Variants in DLG1 observed in about 807,000 individuals in gnomAD.
The protein encoded by DLG1 is discs large MAGUK scaffold protein 1.
Under a neutral mutation model 123.4 loss-of-function variants are expected in DLG1, and 42 were observed. That is an observed-to-expected ratio of 0.34 (90% confidence interval 0.27 to 0.44). The LOEUF is 0.44. DLG1 is among the 20% of genes least tolerant of loss of function. The pLI is 1.00. For synonymous variants in DLG1, 317 were observed against 356.2 expected (o/e 0.89, Z 1.24); for missense variants, 942 against 1,082.6 (o/e 0.87, Z 1.82).
intron 9 of DLG1, among the ~76,000 whole-genome samples, chr3:197,137,729 C>T (rs112582618): frequency 5.9e-5 from 9 of 152,014 alleles, no homozygotes; most frequent in Non-Finnish European, 1.2e-4. Context: ...CAGCACTCTG[C>T]GGGGCTGAGG....
In DLG1 at chr3:197,112,894, C is replaced by T. The variant is rs191506217; in HGVS notation, c.1443+3033G>A. Among the ~76,000 whole-genome samples the T allele has an allele frequency of 4.1e-4, 63 of 152,198 alleles. 1 individual carries two copies. Among genetic ancestry groups the T allele is most frequent in the Admixed American group, 2.2e-3 (34 of 15,280 alleles). ...TATAAGCAAGAGTCACGTCACCCAG[C>T]GTATTTGGTTTCTTAATGTCATCTT... On this transcript the variant is annotated intron_variant, in intron 13 of 24. Transcript: ENST00000667157.
chr3:197,051,429 G>T (rs564532978), intron 24 of DLG1, 148 bp downstream of exon 24: 1 of 547,004 alleles, frequency 1.8e-6, no homozygotes, highest in Non-Finnish European at 3.2e-6. Context: ...TCAAAAAAAA[G>T]GTTCCCCAGC....
intron 18 of DLG1, among the ~76,000 whole-genome samples, chr3:197,073,135 C>A (rs1349326477): frequency 1.3e-5 from 2 of 152,190 alleles, no homozygotes; most frequent in East Asian, 3.8e-4. Flanking sequence ...CAATCTGAAG[C>A]AATGAAACTA....
chr3:197,178,110 A>C (rs1808115914), intron 5 of DLG1, among the ~76,000 whole-genome samples: 1 of 152,186 alleles, frequency 6.6e-6, no homozygotes, highest in Non-Finnish European at 1.5e-5. Context: ...GACAGTAAAA[A>C]ATGTATAATA....
chr3:197,235,350 T>C (rs981189896), intron 4 of DLG1, among the ~76,000 whole-genome samples: 1 of 152,134 alleles, frequency 6.6e-6, no homozygotes, highest in Non-Finnish European at 1.5e-5. Context: ...AAATAGTGAG[T>C]ACCCTTGAGA....
chr3:197,150,001 A>C (rs550852507), intron 5 of DLG1, among the ~76,000 whole-genome samples: 1 of 152,326 alleles, frequency 6.6e-6, no homozygotes, highest in South Asian at 2.1e-4. Flanking sequence ...GCTTTTAAGA[A>C]ATAAATTGCT....
intron 5 of DLG1, among the ~76,000 whole-genome samples, chr3:197,174,978 G>C (rs1410586234): frequency 2.0e-5 from 3 of 152,134 alleles, no homozygotes; most frequent in Non-Finnish European, 2.9e-5. Flanking sequence ...TGAAAATACT[G>C]TTCAGAAATG....
At chr3:197,122,303 T>A (rs1776847239) in intron 11 of DLG1, among the ~76,000 whole-genome samples, 1 of 152,028 alleles carries the variant, frequency 6.6e-6, no homozygotes, top group African/African-American at 2.4e-5. Flanking sequence ...GAATAAAGAT[T>A]AACTTTCTTA....
At chr3:197,123,931 T>A (rs1777692637) in intron 11 of DLG1, among the ~76,000 whole-genome samples, 1 of 152,216 alleles carries the variant, frequency 6.6e-6, no homozygotes, top group Non-Finnish European at 1.5e-5. Flanking sequence ...ATTGGTACCC[T>A]TACTGAATAT....
chr3:197,197,558 G>C (rs1723165775), intron 4 of DLG1, among the ~76,000 whole-genome samples: 2 of 152,166 alleles, frequency 1.3e-5, no homozygotes, highest in Admixed American at 6.5e-5. Flanking sequence ...CATCTCCTAA[G>C]GTGATCAGTT....
rs765078877 is a variant in DLG1 at position 197,244,927 on chromosome 3, A to G, written c.318+37752T>C. Among the ~76,000 whole-genome samples, 43 of 152,232 alleles carry G rather than the reference A, an allele frequency of 2.8e-4. 1 individual carries two copies. The highest frequency in any genetic ancestry group is 3.4e-3 in the Middle Eastern group (1 of 294). ...CAAGTACATAGCTCTTGAGAAACTG[A>G]CTTTTAGTTTCAAACGTAGGAATGT... On this transcript the variant is annotated intron_variant, in intron 4 of 24. Transcript: ENST00000667157.
intron 6 of DLG1, among the ~76,000 whole-genome samples, chr3:197,149,050 T>C (rs552852647): frequency 1.3e-5 from 2 of 152,358 alleles, no homozygotes; most frequent in African/African-American, 4.8e-5. Context: ...TAACAAATTA[T>C]GTTGAGATAT....
intron 23 of DLG1, among the ~76,000 whole-genome samples, chr3:197,055,902 A>G (rs1168064733): frequency 6.6e-6 from 1 of 152,198 alleles, no homozygotes; most frequent in East Asian, 1.9e-4. Context: ...CATGATCAGA[A>G]GCAGTAATTA....
At chr3:197,078,418 G>A (rs956090429) in intron 17 of DLG1, 1 of 151,576 alleles carries the variant, frequency 6.6e-6, no homozygotes, top group African/African-American at 2.4e-5. Context: ...ATAAAAACAA[G>A]GTTAAACTTT....
intron 5 of DLG1, among the ~76,000 whole-genome samples, chr3:197,150,632 G>A (rs1437785017): frequency 6.6e-6 from 1 of 152,028 alleles, no homozygotes; most frequent in Non-Finnish European, 1.5e-5. Context: ...ACAAACTTTA[G>A]AAGATATGCT....
At chr3:197,251,400 C>T (rs1317129243) in intron 4 of DLG1, among the ~76,000 whole-genome samples, 2 of 152,072 alleles carry the variant, frequency 1.3e-5, no homozygotes, top group Non-Finnish European at 2.9e-5. Flanking sequence ...AAATTTACTA[C>T]AAAGCTACAG....
intron 4 of DLG1, among the ~76,000 whole-genome samples, chr3:197,274,307 C>A (rs1054495591): frequency 4.6e-5 from 7 of 152,152 alleles, no homozygotes; most frequent in Non-Finnish European, 7.4e-5. Flanking sequence ...TAAGCCAACT[C>A]ATTTTTGAAA....
chr3:197,269,810 T>A (rs1763177779), intron 4 of DLG1, among the ~76,000 whole-genome samples: 1 of 152,230 alleles, frequency 6.6e-6, no homozygotes, highest in Non-Finnish European at 1.5e-5. Flanking sequence ...TTTAAAACTA[T>A]GCTATTTGAA....
chr3:197,257,236 T>C (rs1207668253), intron 4 of DLG1, among the ~76,000 whole-genome samples: 1 of 152,158 alleles, frequency 6.6e-6, no homozygotes, highest in Admixed American at 6.5e-5. Flanking sequence ...AAATAAAAGA[T>C]AGCTGTTTTA....
Sources: gnomAD v4.1 joint callset for allele counts (sites outside exome capture counted in the v4.1 genomes callset) on GRCh38, gnomAD v4.1.1 for gene constraint, MANE v1.5 for transcripts, NCBI Gene and HGNC (gene_info 2026-07-23, HGNC 2026-07-21) for gene names.